Variants in KLHL29 observed in about 807,000 individuals in gnomAD.
KLHL29 encodes the protein kelch-like protein 29.
A neutral mutation model predicts 80.4 loss-of-function variants in KLHL29; 21 were observed. The observed-to-expected ratio is 0.26, with a 90% CI of 0.19 to 0.38. The LOEUF (loss-of-function observed/expected upper bound fraction) is 0.38, where lower values mean the gene tolerates loss of function less well. Among genes scored for constraint, KLHL29 ranks in the 10% least tolerant of loss-of-function variants. The pLI is 1.00. For synonymous variants in KLHL29, 511 were observed against 526.8 expected, an observed-to-expected ratio of 0.97 and a Z score of 0.41; for missense variants, 867 against 1,223.9, an observed-to-expected ratio of 0.71 and a Z score of 4.35.
intron 5 of KLHL29, among the ~76,000 whole-genome samples, chr2:23,664,485 C>T (rs1670501084): frequency 6.6e-6 from 1 of 152,222 alleles, no homozygotes; most frequent in Non-Finnish European, 1.5e-5. Context: ...GGGCTTTGGA[C>T]TGGCCTGGGG....
intron 2 of KLHL29, among the ~76,000 whole-genome samples, chr2:23,521,352 A>G (rs1178350753): frequency 6.6e-6 from 1 of 152,204 alleles, no homozygotes; most frequent in Admixed American, 6.5e-5. Flanking sequence ...GTGCACTGGA[A>G]GTTTCCAAGC....
At chr2:23,597,025 T>TGCTGCTTTATATAGAGGGC (rs1469436966) in intron 3 of KLHL29, among the ~76,000 whole-genome samples, 3 of 152,160 alleles carry the variant, frequency 2.0e-5, no homozygotes, top group African/African-American at 7.2e-5. Flanking sequence ...CTGGATCGCT[T>TGCTGCTTTATATAGAGGGC]GCTGCTTTAT....
intron 5 of KLHL29, among the ~76,000 whole-genome samples, chr2:23,659,152 A>G (rs566945733): frequency 1.2e-4 from 19 of 152,230 alleles, no homozygotes; most frequent in African/African-American, 4.6e-4. Context: ...CCTACCAGAA[A>G]ATTGTCATAA....
chr2:23,599,391 T>C (rs1303689879), intron 3 of KLHL29, among the ~76,000 whole-genome samples: 2 of 152,144 alleles, frequency 1.3e-5, no homozygotes, highest in Non-Finnish European at 2.9e-5. Context: ...AGAAAAATTA[T>C]AGAAGGAAAT....
At chr2:23,576,325 C>G (rs934321478) in intron 3 of KLHL29, among the ~76,000 whole-genome samples, 1 of 132,784 alleles carries the variant, frequency 7.5e-6, no homozygotes, top group Admixed American at 7.7e-5. Context: ...AAAAAAAAAA[C>G]GAAATATGCT....
rs1671032716 is a variant in KLHL29, at chr2:23,680,067, T to C, written c.941-4332T>C. 6.6e-6 allele frequency among the ~76,000 whole-genome samples: 1 copy of C among 152,072 alleles called. No homozygotes were observed. Among genetic ancestry groups the C allele is most frequent in the African/African-American group, 2.4e-5 (1 of 41,406 alleles). ...GAAGGATTTGTGTGGCCAGTGGCTG[T>C]GAGGATGCAGTGTGGAGGTGGCCTG... On this transcript the variant is annotated intron_variant, in intron 5 of 13. Transcript: ENST00000486442. The surrounding 1 kb of genome is among the most constrained non-coding windows in gnomAD (Gnocchi z 4.1).
Position 23,706,806 on chromosome 2 carries a change from C to T in KLHL29, c.*142C>T. 1.7e-6 allele frequency: 1 copy of T among 592,322 alleles called. No homozygotes were observed. Among genetic ancestry groups the T allele is most frequent in the South Asian group, 2.7e-5 (1 of 36,508 alleles). 36.7% of individuals were successfully genotyped at this position (592,322 alleles called of 1,614,324 possible). A position where few individuals can be genotyped will look rare whatever the true frequency, so the allele number is the denominator to read the frequency against. The stretch of plus-strand genomic sequence containing the variant: ...CTGCGCTCAACATGTTGAATATTCT[C>T]TACATTGAATGTAGAAAATCATCCT... On this transcript the variant is annotated 3_prime_UTR_variant, in exon 14 of 14. Coordinates refer to ENST00000486442, the MANE Select transcript of KLHL29 (RefSeq NM_052920.2).
Position 23,706,939 on chromosome 2 carries a change from A to G in KLHL29, c.*275A>G, listed in dbSNP as rs185689792. ...GGGCGCTCGCTCTGCCAGGTGCAATAGAGTTTCACGTATTTTTCAACTGGG... is the reference window on the plus strand; with the variant it reads ...GGGCGCTCGCTCTGCCAGGTGCAATGGAGTTTCACGTATTTTTCAACTGGG... On this transcript the variant is annotated 3_prime_UTR_variant, in exon 14 of 14. Coordinates refer to ENST00000486442, the MANE Select transcript of KLHL29 (RefSeq NM_052920.2). 3.6e-4 allele frequency: 120 copies of G among 334,324 alleles called. 1 individual carries two copies. The highest frequency in any genetic ancestry group is 1.2e-3 in the Admixed American group (24 of 20,300). 20.7% of individuals were successfully genotyped at this position (334,324 alleles called of 1,614,324 possible).
At chr2:23,497,032 T>G (rs1665285673) in intron 2 of KLHL29, among the ~76,000 whole-genome samples, 2 of 149,664 alleles carry the variant, frequency 1.3e-5, no homozygotes, top group African/African-American at 4.9e-5. Context: ...TGCAACCATA[T>G]AAGAATCACG....
At chr2:23,461,009 G>A (rs1344443377) in intron 1 of KLHL29, among the ~76,000 whole-genome samples, 1 of 152,212 alleles carries the variant, frequency 6.6e-6, no homozygotes, top group Admixed American at 6.5e-5. Context: ...GGCCACTAAA[G>A]GATTTCAAAT....
chr2:23,683,308 T>A (rs1434202958), intron 5 of KLHL29, among the ~76,000 whole-genome samples: 3 of 152,202 alleles, frequency 2.0e-5, no homozygotes, highest in Non-Finnish European at 4.4e-5. Context: ...GAAGACAGTC[T>A]AGGTCATTCT....
chr2:23,410,091 G>A (rs142763621), intron 1 of KLHL29, among the ~76,000 whole-genome samples: 7 of 152,046 alleles, frequency 4.6e-5, no homozygotes, highest in African/African-American at 9.7e-5. Context: ...AGGAGGGAGA[G>A]GCCATGCAGG....
chr2:23,531,669 C>G (rs1418047074), intron 2 of KLHL29, among the ~76,000 whole-genome samples: 1 of 152,202 alleles, frequency 6.6e-6, no homozygotes, highest in African/African-American at 2.4e-5. Context: ...TGCCGCAAGT[C>G]CTGGTACCCA....
chr2:23,481,366 G>A (rs928744694), intron 2 of KLHL29, among the ~76,000 whole-genome samples: 1 of 152,218 alleles, frequency 6.6e-6, no homozygotes, highest in Non-Finnish European at 1.5e-5. Context: ...GATTTATGGT[G>A]TCTTAATGTA....
intron 2 of KLHL29, among the ~76,000 whole-genome samples, chr2:23,504,367 G>T (rs1665535818): frequency 6.6e-6 from 1 of 152,194 alleles, no homozygotes; most frequent in South Asian, 2.1e-4. Context: ...TCGGAGTGGG[G>T]GCCACTTCTA....
In KLHL29 at chr2:23,695,512, T is replaced by C. The variant is rs1412025988; in HGVS notation, c.1543-111T>C. The C allele has an allele frequency of 1.2e-5, 9 of 774,992 alleles. No individual in the cohort carries two copies. In the Middle Eastern group the frequency reaches 9.5e-4, roughly 81 times the overall value. The allele number at this position is 774,992 out of a possible 1,614,324, so 48.0% of individuals were successfully genotyped here. A position where few individuals can be genotyped will look rare whatever the true frequency, so the allele number is the denominator to read the frequency against. ...AGCAGAGTATCTACACTCCCAAGCC[T>C]AACACAGCCTGGAATTATCCATTCT... On this transcript the variant is annotated intron_variant, in intron 8 of 13. Coordinates refer to ENST00000486442, the MANE Select transcript of KLHL29 (RefSeq NM_052920.2). The surrounding 1 kb of genome is among the most constrained non-coding windows in gnomAD (Gnocchi z 7.6).
intron 1 of KLHL29, among the ~76,000 whole-genome samples, chr2:23,413,984 A>G (rs2103397022): frequency 6.6e-6 from 1 of 152,372 alleles, no homozygotes; most frequent in East Asian, 1.9e-4. Context: ...CTGTTCTCAC[A>G]GACGTCTGTG....
intron 2 of KLHL29, among the ~76,000 whole-genome samples, chr2:23,540,067 G>C (rs1348668004): frequency 6.6e-6 from 1 of 152,142 alleles, no homozygotes; most frequent in East Asian, 1.9e-4. Flanking sequence ...CTGGCTCCTA[G>C]TTGTTTCCCC....
At chr2:23,604,502 C>A (rs1668656325) in intron 3 of KLHL29, among the ~76,000 whole-genome samples, 1 of 152,208 alleles carries the variant, frequency 6.6e-6, no homozygotes, top group South Asian at 2.1e-4. Flanking sequence ...AGAGACTTGA[C>A]AGTGATGAAA....
Sources: allele counts gnomAD v4.1 joint callset (sites outside exome capture counted in the v4.1 genomes callset), GRCh38; gene constraint gnomAD v4.1.1; non-coding constraint Gnocchi (gnomAD v3.1); transcripts MANE v1.5; gene names NCBI Gene and HGNC (gene_info 2026-07-23, HGNC 2026-07-21).